The following ROBO2 variants were observed in gnomAD, a reference collection of about 807,000 sequenced individuals.
ROBO2 encodes roundabout homolog 2.
ROBO2 carries 53 observed loss-of-function variants against 160.8 expected under a neutral mutation model. The ratio of observed to expected loss-of-function variants is 0.33; its 90% CI spans 0.26 to 0.41. The LOEUF is 0.41. Ranked by LOEUF, ROBO2 falls within the 10% of genes least tolerant of loss-of-function variation. The probability of loss-of-function intolerance (pLI) is 1.00; values close to 1 mark genes in which losing one functional copy is unlikely to be tolerated. For missense variants in ROBO2, 1,577 were observed against 1,722.4 expected (o/e 0.92, Z 1.49); for synonymous variants, 664 against 611.7 (o/e 1.09, Z -1.26).
chr3:75,997,411 C>T (rs1229282325), intron 2 of ROBO2, among the ~76,000 whole-genome samples: 2 of 151,352 alleles, frequency 1.3e-5, no homozygotes, highest in Non-Finnish European at 2.9e-5. Flanking sequence ...TGCAAAAGAA[C>T]TTTTGGAAAT....
intron 2 of ROBO2, among the ~76,000 whole-genome samples, chr3:76,040,164 C>T (rs903332314): frequency 6.6e-6 from 1 of 151,768 alleles, no homozygotes; most frequent in Non-Finnish European, 1.5e-5. Context: ...GAAATTTTAG[C>T]AATTATTTTA....
intron 23 of ROBO2, 124 bp from the exon 25 acceptor site, chr3:77,634,746 T>G: frequency 1.1e-6 from 1 of 909,124 alleles, no homozygotes; most frequent in Non-Finnish European, 1.8e-6. Context: ...TGCACCAATA[T>G]TTGGTATCTT....
intron 2 of ROBO2, among the ~76,000 whole-genome samples, chr3:77,222,937 A>G (rs1317211345): frequency 6.6e-6 from 1 of 152,156 alleles, no homozygotes; most frequent in African/African-American, 2.4e-5. Context: ...ATATGCATGA[A>G]CTGTTGTTTT....
rs906982866 is a variant in ROBO2 at position 76,386,354 on chromosome 3, C to T, written c.109+448752C>T. 6.9e-5 allele frequency among the ~76,000 whole-genome samples: 9 copies of T among 131,032 alleles called. 1 individual carries two copies. The highest frequency in any genetic ancestry group is 2.8e-4 in the African/African-American group (9 of 31,976). 86.0% of individuals were successfully genotyped at this position (131,032 alleles called of 152,430 possible). On this transcript the variant is annotated intron_variant, in intron 2 of 26. Transcript: ENST00000487694. ...CCCTCCCTCCCTCCCTCCCTCCCTC[C>T]CTCCCTTCCTTCCTCCCCTCCTTTC...
At position 76,169,631 on chromosome 3, in the gene ROBO2, A is replaced by G. The variant is rs1382372076; in HGVS notation, c.109+232029A>G. 3.3e-5 allele frequency among the ~76,000 whole-genome samples: 5 copies of G among 152,332 alleles called. No homozygotes were observed. The East Asian group carries it at 9.7e-4, about 29-fold the overall frequency. On this transcript the variant is annotated intron_variant, in intron 2 of 26. Coordinates refer to the ROBO2 transcript ENST00000487694. ...CCACTGAATCTGACTTTATTGCATT[A>G]CAGGTGGTCATAATCATTGATAATA... is the stretch of plus-strand genomic sequence containing the variant.
In ROBO2 at chr3:77,049,584, C is replaced by T. The variant is rs1428007279; in HGVS notation, c.61+8738C>T. 2.6e-5 allele frequency among the ~76,000 whole-genome samples: 4 copies of T among 152,086 alleles called. No individual in the cohort carries two copies. In the South Asian group the frequency reaches 8.3e-4, roughly 31 times the overall value. On this transcript the variant is annotated intron_variant, in intron 1 of 25. Transcript: ENST00000461745. ...TAAATGGAATTTTAAAAATTTAATACTAAGGAGACAATAGTCTTAGGTCAA... is the reference window on the plus strand; with the variant it reads ...TAAATGGAATTTTAAAAATTTAATATTAAGGAGACAATAGTCTTAGGTCAA...
intron 2 of ROBO2, among the ~76,000 whole-genome samples, chr3:76,136,808 G>A (rs1400239): frequency 0.97 from 147,070 of 152,070 alleles, 71,323 homozygotes; most frequent in East Asian, 1. Flanking sequence ...GAAATCTTAT[G>A]CCTGTACAAA....
rs544161094 is a variant in ROBO2 at position 76,178,739 on chromosome 3, T to G, written c.109+241137T>G. Among the ~76,000 whole-genome samples, 3 of 152,170 alleles carry G rather than the reference T, an allele frequency of 2.0e-5. 1 individual carries two copies. The highest frequency in any genetic ancestry group is 2.0e-4 in the Admixed American group (3 of 15,276). ...GTGGGGGGATTACAAGGTCAGGAGT[T>G]TGAGACCAGCCTGACCAACATGGAA... On this transcript the variant is annotated intron_variant, in intron 2 of 26. Coordinates refer to the ROBO2 transcript ENST00000487694.
At chr3:77,155,726 T>A (rs182574571) in intron 2 of ROBO2, among the ~76,000 whole-genome samples, 74 of 152,192 alleles carry the variant, frequency 4.9e-4, no homozygotes, top group African/African-American at 1.6e-3. Flanking sequence ...AACAGTTCTT[T>A]TGAAAGTCAC....
chr3:77,023,763 TAATGA>T (rs2062785520), intron 2 of ROBO2, among the ~76,000 whole-genome samples: 1 of 152,178 alleles, frequency 6.6e-6, no homozygotes, highest in African/African-American at 2.4e-5. Context: ...CTGCCTATAC[TAATGA>T]AATTCTCATG....
At chr3:77,481,011 A>G in intron 3 of ROBO2, 88 bp from the exon 4 acceptor site, 5 of 1,213,866 alleles carry the variant, frequency 4.1e-6, no homozygotes, top group Non-Finnish European at 6.0e-6. Context: ...AATATGCTCA[A>G]ATACTCAAAA....
chr3:77,622,561 T>C, intron 23 of ROBO2, 129 bp downstream of exon 24: 1 of 807,828 alleles, frequency 1.2e-6, no homozygotes, highest in Non-Finnish European at 2.0e-6. Context: ...AATGTGTTAA[T>C]ATTAAATACA....
chr3:76,280,437 TG>T (rs1245287617), intron 2 of ROBO2, among the ~76,000 whole-genome samples: 1 of 151,974 alleles, frequency 6.6e-6, no homozygotes, highest in Non-Finnish European at 1.5e-5. Flanking sequence ...GAGGACACCA[TG>T]AGAAGGCAGC....
intron 2 of ROBO2, among the ~76,000 whole-genome samples, chr3:77,133,413 CACTCAGGGAAATCAAATAACA>C (rs2076018426): frequency 6.6e-6 from 1 of 152,150 alleles, no homozygotes; most frequent in African/African-American, 2.4e-5. Context: ...AATAAGATTT[CACTCAGGGAAATCAAATAACA>C]ACTCTATTAA....
At chr3:77,624,360 A>G (rs2094961955) in intron 23 of ROBO2, among the ~76,000 whole-genome samples, 1 of 152,064 alleles carries the variant, frequency 6.6e-6, no homozygotes, top group Admixed American at 6.5e-5. Context: ...GTGTGAGTGT[A>G]TTAGAACGTG....
At chr3:76,901,881 C>CT (rs1329793250) in intron 2 of ROBO2, among the ~76,000 whole-genome samples, 1 of 151,900 alleles carries the variant, frequency 6.6e-6, no homozygotes, top group African/African-American at 2.4e-5. Flanking sequence ...TCAATCCTAA[C>CT]TTTTTTCTTC....
chr3:77,355,818 CTGTAAAAGTAG>C (rs1241820639), intron 2 of ROBO2, among the ~76,000 whole-genome samples: 5 of 151,632 alleles, frequency 3.3e-5, no homozygotes, highest in African/African-American at 4.8e-5. Flanking sequence ...ATAATCAAAA[CTGTAAAAGTAG>C]TGTCAGCCAG....
chr3:76,443,455 T>G (rs955842323), intron 2 of ROBO2, among the ~76,000 whole-genome samples: 2 of 152,188 alleles, frequency 1.3e-5, no homozygotes, highest in South Asian at 4.1e-4. Context: ...TTACTAGTGC[T>G]GCTGCTACTA....
intron 13 of ROBO2, among the ~76,000 whole-genome samples, chr3:77,573,947 C>T (rs543995622): frequency 1.3e-5 from 2 of 151,998 alleles, no homozygotes; most frequent in African/African-American, 4.8e-5. Flanking sequence ...CTCATGAGGG[C>T]AGGGGCTGAC....
Sources: gnomAD v4.1 joint callset for allele counts (sites outside exome capture counted in the v4.1 genomes callset) on GRCh38, gnomAD v4.1.1 for gene constraint, MANE v1.5 for transcripts, NCBI Gene and HGNC (gene_info 2026-07-23, HGNC 2026-07-21) for gene names.